The following SLIT3 variants were observed in gnomAD, a reference collection of about 807,000 sequenced individuals.
SLIT3 encodes slit homolog 3 protein.
Under a neutral mutation model 184.0 loss-of-function variants are expected in SLIT3, and 68 were observed. The ratio of observed to expected loss-of-function variants is 0.37; its 90% CI spans 0.30 to 0.45. The LOEUF is 0.45. Ranked by LOEUF, SLIT3 falls within the 20% of genes least tolerant of loss-of-function variation. The pLI, the probability that SLIT3 is intolerant of heterozygous loss-of-function variation, is 1.00. For synonymous variants in SLIT3, 831 were observed against 828.6 expected (o/e 1.00, Z -0.05); for missense variants, 1,707 against 2,026.0 (o/e 0.84, Z 3.02).
chr5:169,151,017 A>C (rs1762096691), intron 4 of SLIT3, among the ~76,000 whole-genome samples: 1 of 152,190 alleles, frequency 6.6e-6, no homozygotes, highest in African/African-American at 2.4e-5. Context: ...CTTCCAGATA[A>C]GAAGGATCTA....
intron 4 of SLIT3, among the ~76,000 whole-genome samples, chr5:169,018,203 A>AT (rs894084262): frequency 3.3e-5 from 5 of 152,060 alleles, no homozygotes; most frequent in South Asian, 2.1e-4. Flanking sequence ...CCAAACCCAC[A>AT]TTTTTTGCAA....
intron 4 of SLIT3, among the ~76,000 whole-genome samples, chr5:168,963,850 A>T (rs10073100): frequency 0.023 from 3,502 of 152,338 alleles, 144 homozygotes; most frequent in African/African-American, 0.08. Context: ...TAGTTTAAGT[A>T]AAAACCAGGA....
At chr5:168,686,058 A>G in intron 30 of SLIT3, 131 bp from the exon 31 acceptor site, 3 of 1,061,528 alleles carry the variant, frequency 2.8e-6, no homozygotes, top group Non-Finnish European at 3.8e-6. Flanking sequence ...TCTAGGGGCT[A>G]GTTCCAGCCC....
In SLIT3 at chr5:168,671,228, T is replaced by C. The variant is rs372559587; in HGVS notation, c.4097A>G (p.Gln1366Arg). 7 of 1,611,632 alleles carry C rather than the reference T, an allele frequency of 4.3e-6. No homozygotes were observed. In the Admixed American group the frequency reaches 5.0e-5, roughly 12 times the overall value. Reference sequence around the variant, plus strand: ...GCCGAGGCAGGGGTCCCGGGCCTCCTGATCGCAGAGTGGGCCGGTCCAGCC... The same window carrying C: ...GCCGAGGCAGGGGTCCCGGGCCTCCCGATCGCAGAGTGGGCCGGTCCAGCC... ...RPGWTGPLCD[Q>R]EARDPCLGHR... The change falls in exon 34 of 36, where the codon CAG becomes CGG. Residue 1366 changes from glutamine to arginine, a missense_variant. By Grantham distance (43) the Gln-to-Arg change is conservative (BLOSUM62 1). Coordinates refer to ENST00000519560, the MANE Select transcript of SLIT3 (RefSeq NM_003062.4).
At chr5:169,142,366 A>G (rs1033770372) in intron 4 of SLIT3, among the ~76,000 whole-genome samples, 30 of 152,198 alleles carry the variant, frequency 2.0e-4, no homozygotes, top group African/African-American at 7.0e-4. Context: ...ATAAATAAAG[A>G]TAAGGCCCTG....
intron 4 of SLIT3, among the ~76,000 whole-genome samples, chr5:169,055,223 G>T (rs1757953572): frequency 6.6e-6 from 1 of 152,134 alleles, no homozygotes; most frequent in South Asian, 2.1e-4. Context: ...CATTGATATA[G>T]CTGTGAATAA....
chr5:169,261,904 G>C (rs1343794414), intron 1 of SLIT3, among the ~76,000 whole-genome samples: 1 of 152,210 alleles, frequency 6.6e-6, no homozygotes, highest in Non-Finnish European at 1.5e-5. Flanking sequence ...AGGTGGCCAT[G>C]TTTGGGAGGC....
chr5:169,062,668 G>A (rs1758215055), intron 4 of SLIT3, among the ~76,000 whole-genome samples: 1 of 152,204 alleles, frequency 6.6e-6, no homozygotes, highest in Non-Finnish European at 1.5e-5. Context: ...ATTTACTCAT[G>A]TGTTTGGTTT....
intron 25 of SLIT3, 80 bp from the exon 26 acceptor site, chr5:168,708,180 C>T (rs1762434098): frequency 1.9e-6 from 3 of 1,592,544 alleles, no homozygotes; most frequent in Admixed American, 3.4e-5. Context: ...TGCTCTGGGC[C>T]CTCCCTCAGC....
At chr5:169,230,422 CA>C (rs1287971741) in intron 3 of SLIT3, among the ~76,000 whole-genome samples, 7 of 152,218 alleles carry the variant, frequency 4.6e-5, no homozygotes, top group African/African-American at 1.4e-4. Context: ...CTACTAGGAG[CA>C]AAATAACTCT....
At chr5:168,727,701 G>T (rs567688294) in intron 20 of SLIT3, among the ~76,000 whole-genome samples, 4 of 152,314 alleles carry the variant, frequency 2.6e-5, no homozygotes, top group African/African-American at 9.6e-5. Flanking sequence ...TGGGGTATTT[G>T]CATTCTGAGT....
At chr5:168,943,890 G>A (rs1370722215) in intron 4 of SLIT3, among the ~76,000 whole-genome samples, 1 of 152,132 alleles carries the variant, frequency 6.6e-6, no homozygotes, top group African/African-American at 2.4e-5. Flanking sequence ...AAACAAACAG[G>A]AAACTGCTGA....
chr5:169,083,748 T>C (rs372073777), intron 4 of SLIT3, among the ~76,000 whole-genome samples: 6 of 152,296 alleles, frequency 3.9e-5, no homozygotes, highest in African/African-American at 1.2e-4. Context: ...GGAGCTGGCA[T>C]GCCAGCACCC....
At position 169,226,951 on chromosome 5, in the gene SLIT3, T is replaced by G. The variant is rs150471014; in HGVS notation, c.341+17754A>C. On this transcript the variant is annotated intron_variant, in intron 3 of 35. Coordinates refer to ENST00000519560, the MANE Select transcript of SLIT3 (RefSeq NM_003062.4). ...ACTAAGGCTAGACTGACAGTGACTT[T>G]GTCTGCATACTTCACACCCCTCGGC... Among the ~76,000 whole-genome samples, 430 of 152,336 alleles carry G rather than the reference T, an allele frequency of 2.8e-3. 4 individuals are homozygous for G. The highest frequency in any genetic ancestry group is 9.9e-3 in the African/African-American group (412 of 41,564).
chr5:168,817,576 C>G, intron 7 of SLIT3, 113 bp from the exon 8 acceptor site: 1 of 990,080 alleles, frequency 1.0e-6, no homozygotes, highest in Non-Finnish European at 1.5e-6. Context: ...GTGTGAAAAT[C>G]CCTAGGAGCC....
intron 4 of SLIT3, among the ~76,000 whole-genome samples, chr5:168,890,321 G>A (rs1760402774): frequency 6.6e-6 from 1 of 152,138 alleles, no homozygotes; most frequent in Non-Finnish European, 1.5e-5. Flanking sequence ...AGAGAGAGAT[G>A]CCAATCTGAA....
At chr5:169,204,344 T>C (rs1763994974) in intron 3 of SLIT3, among the ~76,000 whole-genome samples, 1 of 151,198 alleles carries the variant, frequency 6.6e-6, no homozygotes, top group African/African-American at 2.4e-5. Context: ...TTAGCAGGAG[T>C]GGTTCAAAAA....
chr5:168,917,701 T>A (rs144615816), intron 4 of SLIT3, among the ~76,000 whole-genome samples: 97 of 152,330 alleles, frequency 6.4e-4, no homozygotes, highest in African/African-American at 2.2e-3. Context: ...TATGTCCATA[T>A]TATCTCTAGA....
chr5:169,254,754 A>T (rs2113601126), intron 1 of SLIT3, among the ~76,000 whole-genome samples: 1 of 152,304 alleles, frequency 6.6e-6, no homozygotes, highest in African/African-American at 2.4e-5. Context: ...GAGGATGAGG[A>T]TGAGGGAGAG....
Sources: gnomAD v4.1 joint callset for allele counts (sites outside exome capture counted in the v4.1 genomes callset) on GRCh38, gnomAD v4.1.1 for gene constraint, MANE v1.5 for transcripts, NCBI Gene and HGNC (gene_info 2026-07-23, HGNC 2026-07-21) for gene names.